Variants in KMT2C observed in about 807,000 individuals in gnomAD.
KMT2C encodes the protein histone-lysine N-methyltransferase 2C.
KMT2C carries 88 observed loss-of-function variants against 507.9 expected under a neutral mutation model. The ratio of observed to expected loss-of-function variants is 0.17; its 90% CI spans 0.15 to 0.21. The LOEUF (loss-of-function observed/expected upper bound fraction) is 0.21, where lower values mean the gene tolerates loss of function less well. Among genes scored for constraint, KMT2C ranks in the 10% least tolerant of loss-of-function variants. KMT2C has a pLI of 1.00. For missense variants in KMT2C, 4,954 were observed against 5,957.8 expected, an observed-to-expected ratio of 0.83 and a Z score of 5.55; for synonymous variants, 2,049 against 2,080.8, an observed-to-expected ratio of 0.98 and a Z score of 0.42.
chr7:152,267,071 C>A (rs1186672356), intron 7 of KMT2C, among the ~76,000 whole-genome samples: 2 of 152,242 alleles, frequency 1.3e-5, no homozygotes, highest in East Asian at 3.8e-4. Context: ...CCCTTACTTT[C>A]ATCTCATCCT....
intron 6 of KMT2C, among the ~76,000 whole-genome samples, chr7:152,297,412 TCACCAGATAA>T (rs757792298): frequency 6.6e-6 from 1 of 152,100 alleles, no homozygotes; most frequent in Non-Finnish European, 1.5e-5. Context: ...TCTCAAGCAT[TCACCAGATAA>T]CTGATCAGCA....
intron 6 of KMT2C, 50 bp downstream of exon 6, chr7:152,309,916 A>G (rs746697910): frequency 8.8e-7 from 1 of 1,140,164 alleles, no homozygotes; most frequent in South Asian, 1.3e-5. Flanking sequence ...ACTTCTGATT[A>G]AAGTGAATGT....
intron 3 of KMT2C, among the ~76,000 whole-genome samples, chr7:152,323,481 T>A (rs951785116): frequency 5.3e-5 from 8 of 150,982 alleles, no homozygotes; most frequent in Admixed American, 3.9e-4. Flanking sequence ...CTACATAAAA[T>A]TTTAAAAATT....
chr7:152,324,552 G>T (rs1288551385), intron 3 of KMT2C, among the ~76,000 whole-genome samples: 1 of 151,812 alleles, frequency 6.6e-6, no homozygotes, highest in African/African-American at 2.4e-5. Flanking sequence ...GGTACAAGAT[G>T]AAACAGACAG....
chr7:152,174,111 CA>C lies in KMT2C; in HGVS notation c.9374+19del. 1 of 1,327,528 alleles carries C rather than the reference CA, an allele frequency of 7.5e-7. No individual in the cohort carries two copies. Among genetic ancestry groups the C allele is most frequent in the South Asian group, 1.3e-5 (1 of 78,380 alleles). The allele number at this position is 1,327,528 out of a possible 1,614,324, so 82.2% of individuals were successfully genotyped here. ...TGAATGTCTAGATGCCCAGTAGAAA[CA>C]AGCAGCCACTCCACCTACCTGCTCA... is the stretch of plus-strand genomic sequence containing the variant. On this transcript the variant is annotated intron_variant, in intron 39 of 58. Coordinates refer to ENST00000262189, the MANE Select transcript of KMT2C (RefSeq NM_170606.3).
intron 23 of KMT2C, 91 bp downstream of exon 23, chr7:152,220,432 A>G: frequency 1.0e-6 from 1 of 1,003,952 alleles, no homozygotes; most frequent in Non-Finnish European, 1.5e-6. Context: ...AGTGTGATTT[A>G]CCCTTTGGTA....
intron 6 of KMT2C, among the ~76,000 whole-genome samples, chr7:152,295,190 CTTTAA>C (rs2096479208): frequency 6.6e-6 from 1 of 152,180 alleles, no homozygotes. Context: ...ACTCATTGGC[CTTTAA>C]TTTATAGCAG....
chr7:152,286,908 G>A (rs10270094), intron 6 of KMT2C, among the ~76,000 whole-genome samples: 11 of 152,228 alleles, frequency 7.2e-5, no homozygotes, highest in East Asian at 1.9e-4. Flanking sequence ...GCAGGGAAGC[G>A]GCAGGCTACC....
chr7:152,173,252 A>T (rs1425644149), intron 39 of KMT2C, among the ~76,000 whole-genome samples: 1 of 152,182 alleles, frequency 6.6e-6, no homozygotes, highest in East Asian at 1.9e-4. Flanking sequence ...AATTCGTGCA[A>T]ATTTTATATT....
At position 152,176,998 on chromosome 7, in the gene KMT2C, T is replaced by C. The variant is rs1221108086; in HGVS notation, c.8455A>G (p.Thr2819Ala). The change falls in exon 38 of 59, where the codon ACC becomes GCC. Residue 2819 changes from threonine (T) to alanine (A), a missense_variant. Physicochemically the swap from Thr to Ala is moderately conservative, Grantham distance 58. This residue lies in a region of KMT2C where 1,689 missense variants were observed against 1,654.3 expected (regional missense o/e 1.02). Coordinates refer to ENST00000262189, the MANE Select transcript of KMT2C (RefSeq NM_170606.3). The stretch of plus-strand genomic sequence containing the variant: ...AGTACTTCCGTTTTTACCTCATTGG[T>C]AACAGTGGATTTTTTCTGTGGTGAA... The part of the protein sequence containing the change: ...KHSPQKKSTV[T>A]NEVKTEVLSP... 1.2e-6 allele frequency: 2 copies of C among 1,614,184 alleles called. No individual in the cohort carries two copies. The highest frequency in any genetic ancestry group is 3.3e-5 in the Admixed American group (2 of 60,026).
At chr7:152,361,498 G>A (rs1483195634) in intron 1 of KMT2C, among the ~76,000 whole-genome samples, 2 of 151,936 alleles carry the variant, frequency 1.3e-5, no homozygotes, top group Non-Finnish European at 2.9e-5. Context: ...GGGAGGCAGA[G>A]GTTGCGGTGA....
intron 2 of KMT2C, among the ~76,000 whole-genome samples, chr7:152,336,839 G>C (rs1045098275): frequency 6.6e-6 from 1 of 152,088 alleles, no homozygotes; most frequent in African/African-American, 2.4e-5. Context: ...TAAAATACAG[G>C]CAATGACACT....
At position 152,207,391 on chromosome 7, in the gene KMT2C, A is replaced by G. The variant is rs2129138585; in HGVS notation, c.3750T>C (p.Ser1250=). The G allele has an allele frequency of 6.2e-7, 1 of 1,609,074 alleles. No homozygotes were observed. The highest frequency in any genetic ancestry group is 2.2e-5 in the East Asian group (1 of 44,780). The change falls in exon 24 of 59, where the codon TCT becomes TCC. Residue 1250 remains serine, a synonymous_variant. Coordinates refer to ENST00000262189, the MANE Select transcript of KMT2C (RefSeq NM_170606.3). ...CATCCACAGCTTCCCGCTCAGGACT[A>G]GATTCTGATTTTCCATCACAATCCA... is the stretch of plus-strand genomic sequence containing the variant. The part of the protein sequence containing the change: ...ELMDCDGKSE[S]SPEREAVDDE...
intron 6 of KMT2C, among the ~76,000 whole-genome samples, chr7:152,295,862 C>T (rs192707269): frequency 3.3e-5 from 5 of 151,270 alleles, no homozygotes; most frequent in East Asian, 2.0e-4. Flanking sequence ...GTCAGGAGAT[C>T]GAGACCATCC....
intron 1 of KMT2C, among the ~76,000 whole-genome samples, chr7:152,362,040 CCCT>C (rs2097201586): frequency 6.6e-6 from 1 of 152,058 alleles, no homozygotes; most frequent in African/African-American, 2.4e-5. Context: ...AAAACAAAAT[CCCT>C]CCTGTCACAA....
chr7:152,162,017 G>A (rs2129103464), intron 43 of KMT2C, 100 bp downstream of exon 43: 2 of 1,323,656 alleles, frequency 1.5e-6, no homozygotes, highest in Non-Finnish European at 2.0e-6. Flanking sequence ...GAATAAAAAG[G>A]TTGTAGAATA....
intron 4 of KMT2C, among the ~76,000 whole-genome samples, chr7:152,313,203 T>C (rs1456904474): frequency 2.7e-5 from 4 of 148,224 alleles, no homozygotes; most frequent in South Asian, 4.1e-4. Flanking sequence ...CCTACAAATA[T>C]ATGCTCCATT....
At chr7:152,410,089 C>T (rs2097665205) in intron 1 of KMT2C, among the ~76,000 whole-genome samples, 1 of 152,196 alleles carries the variant, frequency 6.6e-6, no homozygotes, top group Non-Finnish European at 1.5e-5. Flanking sequence ...TGTTCTTTCC[C>T]TGTTTACAAA....
At chr7:152,183,978 A>C (rs2093527359) in intron 34 of KMT2C, among the ~76,000 whole-genome samples, 1 of 151,694 alleles carries the variant, frequency 6.6e-6, no homozygotes. Flanking sequence ...AGGCTGGGGC[A>C]GGAGAATCGC....
Sources: gnomAD v4.1 joint callset for allele counts (sites outside exome capture counted in the v4.1 genomes callset) on GRCh38, gnomAD v4.1.1 for gene constraint, gnomAD v4.1.1 regional missense constraint, MANE v1.5 for transcripts, NCBI Gene and HGNC (gene_info 2026-07-23, HGNC 2026-07-21) for gene names.